Variants in NKAIN2 observed in about 807,000 individuals in gnomAD.
The protein encoded by NKAIN2 is sodium/potassium-transporting ATPase subunit beta-1-interacting protein 2.
In NKAIN2, 14 loss-of-function variants were observed where a neutral mutation model predicts 32.6. The observed-to-expected ratio is 0.43, with a 90% CI of 0.28 to 0.67. The LOEUF (loss-of-function observed/expected upper bound fraction) is 0.67, where lower values mean the gene tolerates loss of function less well. Among genes scored for constraint, NKAIN2 ranks in the 30% least tolerant of loss-of-function variants. The probability of loss-of-function intolerance (pLI) is 0.17; values close to 1 mark genes in which losing one functional copy is unlikely to be tolerated. For synonymous variants in NKAIN2, 80 were observed against 87.2 expected, an observed-to-expected ratio of 0.92 and a Z score of 0.46; for missense variants, 198 against 258.3, an observed-to-expected ratio of 0.77 and a Z score of 1.60.
chr6:124,499,613 T>G (rs972598530), intron 3 of NKAIN2, among the ~76,000 whole-genome samples: 1 of 152,118 alleles, frequency 6.6e-6, no homozygotes, highest in African/African-American at 2.4e-5. Flanking sequence ...AAGAAAATCT[T>G]TATGCATTTT....
At chr6:124,542,614 G>A (rs1174866695) in intron 3 of NKAIN2, among the ~76,000 whole-genome samples, 1 of 152,098 alleles carries the variant, frequency 6.6e-6, no homozygotes, top group African/African-American at 2.4e-5. Flanking sequence ...TTTAGGTTAG[G>A]TAAAGACATT....
chr6:123,990,057 T>C (rs1354280818), intron 1 of NKAIN2, among the ~76,000 whole-genome samples: 1 of 152,138 alleles, frequency 6.6e-6, no homozygotes, highest in Admixed American at 6.5e-5. Context: ...GCAGGTACTT[T>C]CTTCACAGAA....
chr6:124,245,175 T>C (rs1294845445), intron 1 of NKAIN2, among the ~76,000 whole-genome samples: 1 of 152,118 alleles, frequency 6.6e-6, no homozygotes, highest in African/African-American at 2.4e-5. Context: ...CCTAAGTGTG[T>C]TCTCCATATC....
chr6:123,969,817 G>T (rs1778256216), intron 1 of NKAIN2, among the ~76,000 whole-genome samples: 1 of 152,106 alleles, frequency 6.6e-6, no homozygotes, highest in African/African-American at 2.4e-5. Flanking sequence ...GAGAGGAAAA[G>T]GGATTTGGAA....
intron 2 of NKAIN2, among the ~76,000 whole-genome samples, chr6:124,329,585 T>G (rs1416748153): frequency 6.6e-6 from 1 of 151,324 alleles, no homozygotes; most frequent in East Asian, 2.0e-4. Context: ...CTGGGTCCAC[T>G]GCTCCACCCC....
At chr6:123,855,044 C>A (rs183573892) in intron 1 of NKAIN2, among the ~76,000 whole-genome samples, 16 of 152,254 alleles carry the variant, frequency 1.1e-4, no homozygotes, top group Non-Finnish European at 1.6e-4. Context: ...GTCAGTTGGA[C>A]AGCTATGAGT....
At chr6:124,325,654 G>A (rs968935485) in intron 2 of NKAIN2, among the ~76,000 whole-genome samples, 26 of 151,968 alleles carry the variant, frequency 1.7e-4, no homozygotes, top group African/African-American at 2.7e-4. Context: ...TATATTTTAC[G>A]GTTCCATCTA....
At chr6:124,556,831 G>T (rs144616926) in intron 3 of NKAIN2, among the ~76,000 whole-genome samples, 6 of 152,234 alleles carry the variant, frequency 3.9e-5, no homozygotes, top group Admixed American at 2.0e-4. Flanking sequence ...GCCAGGGTAA[G>T]AATCCAACTT....
intron 2 of NKAIN2, among the ~76,000 whole-genome samples, chr6:124,347,708 G>T (rs187292023): frequency 6.6e-6 from 1 of 152,228 alleles, no homozygotes; most frequent in Non-Finnish European, 1.5e-5. Flanking sequence ...GCACTTCTCT[G>T]TATTGGTTAT....
intron 3 of NKAIN2, among the ~76,000 whole-genome samples, chr6:124,434,384 C>A (rs1775347983): frequency 6.6e-6 from 1 of 152,082 alleles, no homozygotes; most frequent in South Asian, 2.1e-4. Flanking sequence ...TTTCTAAAAT[C>A]TCTTGTGGGA....
intron 3 of NKAIN2, among the ~76,000 whole-genome samples, chr6:124,421,045 G>A (rs1159624599): frequency 1.4e-5 from 2 of 142,948 alleles, no homozygotes; most frequent in Non-Finnish European, 3.0e-5. Context: ...AAATTCAGGG[G>A]ATCATATAAT....
At chr6:124,065,659 G>A (rs1398335722) in intron 1 of NKAIN2, among the ~76,000 whole-genome samples, 1 of 152,004 alleles carries the variant, frequency 6.6e-6, no homozygotes, top group Non-Finnish European at 1.5e-5. Context: ...CCTCCAGAAC[G>A]GTAAGAAATA....
chr6:123,805,387 G>A (rs979095352), intron 1 of NKAIN2, among the ~76,000 whole-genome samples: 1 of 152,192 alleles, frequency 6.6e-6, no homozygotes, highest in African/African-American at 2.4e-5. Context: ...TTGTCGTGAA[G>A]CCCATGAGTG....
chr6:123,989,897 A>G (rs912973139), intron 1 of NKAIN2, among the ~76,000 whole-genome samples: 3 of 152,208 alleles, frequency 2.0e-5, no homozygotes, highest in African/African-American at 7.2e-5. Context: ...GATCTTGTTC[A>G]TGGAATGTAT....
intron 4 of NKAIN2, among the ~76,000 whole-genome samples, chr6:124,757,251 C>T (rs962937307): frequency 3.3e-5 from 5 of 152,164 alleles, no homozygotes; most frequent in Non-Finnish European, 7.4e-5. Context: ...TCATTCTCTA[C>T]ATTTTTTCCC....
At chr6:124,054,801 G>A (rs752489822) in intron 1 of NKAIN2, among the ~76,000 whole-genome samples, 1 of 151,976 alleles carries the variant, frequency 6.6e-6, no homozygotes, top group Non-Finnish European at 1.5e-5. Flanking sequence ...AGGAGTCCTT[G>A]CTACATTCAG....
At chr6:124,423,945 C>T (rs1461219085) in intron 3 of NKAIN2, among the ~76,000 whole-genome samples, 1 of 152,136 alleles carries the variant, frequency 6.6e-6, no homozygotes, top group African/African-American at 2.4e-5. Flanking sequence ...CACGAATAGA[C>T]TAAGGCAGTA....
At chr6:124,026,523 A>G (rs1414829221) in intron 1 of NKAIN2, among the ~76,000 whole-genome samples, 2 of 152,170 alleles carry the variant, frequency 1.3e-5, no homozygotes, top group Non-Finnish European at 1.5e-5. Flanking sequence ...GAATAATCGT[A>G]GCCATGTGAA....
intron 1 of NKAIN2, among the ~76,000 whole-genome samples, chr6:124,101,151 G>T (rs1784870343): frequency 1.3e-5 from 2 of 152,122 alleles, no homozygotes; most frequent in African/African-American, 4.8e-5. Context: ...GAGAGGACTG[G>T]TCTATTAAGA....
Sources: gnomAD v4.1 joint callset for allele counts (sites outside exome capture counted in the v4.1 genomes callset) on GRCh38, gnomAD v4.1.1 for gene constraint, MANE v1.5 for transcripts, NCBI Gene and HGNC (gene_info 2026-07-23, HGNC 2026-07-21) for gene names.